Variants in YY1 observed in about 807,000 individuals in gnomAD.
YY1 encodes YY1 transcription factor.
YY1 carries 2 observed loss-of-function variants against 35.6 expected under a neutral mutation model. The observed-to-expected ratio is 0.06, with a 90% confidence interval of 0.02 to 0.18. The LOEUF is 0.18. YY1 is among the 10% of genes least tolerant of loss of function. The pLI is 1.00. For missense variants in YY1, 322 were observed against 573.4 expected (o/e 0.56, Z 4.48); for synonymous variants, 268 against 238.9 (o/e 1.12, Z -1.12).
chr14:100,241,691 T>C (rs1331842454), intron 1 of YY1, among the ~76,000 whole-genome samples: 1 of 152,208 alleles, frequency 6.6e-6, no homozygotes, highest in Non-Finnish European at 1.5e-5. Flanking sequence ...AGTCATGGTT[T>C]TGGCCGGGCG....
chr14:100,262,234 G>A (rs1891095110), intron 1 of YY1, 70 bp from the exon 2 acceptor site: 1 of 1,556,704 alleles, frequency 6.4e-7, no homozygotes, highest in South Asian at 1.1e-5. Context: ...AGAAGTTACT[G>A]GTGAAAGCAG....
chr14:100,254,951 T>TG (rs1890982617), intron 1 of YY1, among the ~76,000 whole-genome samples: 1 of 112,744 alleles, frequency 8.9e-6, no homozygotes, highest in Admixed American at 9.2e-5. Context: ...TTTTTTTTTT[T>TG]TTTTTTTTTT....
intron 1 of YY1, among the ~76,000 whole-genome samples, chr14:100,240,846 T>C (rs932061773): frequency 3.9e-5 from 6 of 152,224 alleles, no homozygotes; most frequent in African/African-American, 7.2e-5. Context: ...GTTGGGTTAG[T>C]TTACTCAACT....
At chr14:100,248,122 T>TTTC (rs1566770447) in intron 1 of YY1, among the ~76,000 whole-genome samples, 1 of 28,562 alleles carries the variant, frequency 3.5e-5, no homozygotes, top group African/African-American at 1.9e-4. Context: ...TTTTTTTTTC[T>TTTC]TTTTTTTTTT....
chr14:100,240,647 G>A (rs556327381), intron 1 of YY1, among the ~76,000 whole-genome samples: 5 of 152,338 alleles, frequency 3.3e-5, no homozygotes, highest in African/African-American at 1.2e-4. Context: ...CTGCACGTAG[G>A]GCTCGCGTGT....
At position 100,239,445 on chromosome 14, in the gene YY1, C is replaced by T. The variant is rs777217783; in HGVS notation, c.201C>T (p.His67=). 129 of 1,592,908 alleles carry T rather than the reference C, an allele frequency of 8.1e-5. No homozygotes were observed. The Middle Eastern group carries it at 1.0e-3, about 12-fold the overall frequency. ...ACGGCGGCGGGGGCGGCCACGGGCA[C>T]GCCGGCCACCACCACCACCACCATC... is the stretch of plus-strand genomic sequence containing the variant. The part of the protein sequence containing the change: ...GDHGGGGGHG[H]AGHHHHHHHH... The change falls in exon 1 of 5, where the codon CAC becomes CAT. Residue 67 remains histidine, a synonymous_variant. Coordinates refer to ENST00000262238, the MANE Select transcript of YY1 (RefSeq NM_003403.5).
intron 2 of YY1, among the ~76,000 whole-genome samples, chr14:100,267,517 A>G (rs193061629): frequency 1.4e-5 from 2 of 140,904 alleles, no homozygotes; most frequent in East Asian, 4.2e-4. Flanking sequence ...TCTCATCCAC[A>G]TTCTACATAG....
At chr14:100,251,628 G>A (rs1461556032) in intron 1 of YY1, among the ~76,000 whole-genome samples, 1 of 152,106 alleles carries the variant, frequency 6.6e-6, no homozygotes, top group Admixed American at 6.5e-5. Context: ...TAGGAGAGGG[G>A]GGAAGTGGAA....
intron 1 of YY1, among the ~76,000 whole-genome samples, chr14:100,261,675 G>T (rs901242653): frequency 1.3e-5 from 2 of 152,156 alleles, no homozygotes; most frequent in African/African-American, 2.4e-5. Flanking sequence ...AACACCTTGA[G>T]GTTAGGGTAG....
At chr14:100,267,718 T>C (rs1891175878) in intron 2 of YY1, among the ~76,000 whole-genome samples, 1 of 152,126 alleles carries the variant, frequency 6.6e-6, no homozygotes, top group South Asian at 2.1e-4. Context: ...GAGACAGGGT[T>C]TCACCATGTT....
chr14:100,240,661 G>T (rs1255633469), intron 1 of YY1, among the ~76,000 whole-genome samples: 1 of 152,238 alleles, frequency 6.6e-6, no homozygotes, highest in Non-Finnish European at 1.5e-5. Context: ...CGCGTGTGCG[G>T]GCTCCGAGCG....
Position 100,276,315 on chromosome 14 carries a change from G to C in YY1, c.904-175G>C, listed in dbSNP as rs1411305080. ...TTTGCATTGAATGATGACTTTTTCA[G>C]CTGTCTGCTTTTTGTCTTAAATGAT... is the stretch of plus-strand genomic sequence containing the variant. On this transcript the variant is annotated intron_variant, in intron 3 of 4. Transcript: ENST00000262238. This position sits in a 1 kb window ranked among gnomAD's most constrained non-coding sequence, Gnocchi z 4.1. 1 of 839,154 alleles carries C rather than the reference G, an allele frequency of 1.2e-6. No individual in the cohort carries two copies. The highest frequency in any genetic ancestry group is 1.8e-6 in the Non-Finnish European group (1 of 547,702). The allele number at this position is 839,154 out of a possible 1,614,324, so 52.0% of individuals were successfully genotyped here. A position where few individuals can be genotyped will look rare whatever the true frequency, so the allele number is the denominator to read the frequency against.
chr14:100,255,341 G>A (rs1317662182), intron 1 of YY1, among the ~76,000 whole-genome samples: 8 of 152,056 alleles, frequency 5.3e-5, no homozygotes, highest in Non-Finnish European at 1.0e-4. Context: ...TGGGAGGGCC[G>A]GGCACGGTGG....
At chr14:100,248,178 C>T (rs929391504) in intron 1 of YY1, among the ~76,000 whole-genome samples, 11 of 145,090 alleles carry the variant, frequency 7.6e-5, no homozygotes, top group Admixed American at 2.1e-4. Flanking sequence ...TGCAGTGGCG[C>T]GATCTCGGCT....
Position 100,279,429 on chromosome 14 carries a change from C to T in YY1, c.*1829C>T. On this transcript the variant is annotated 3_prime_UTR_variant, in exon 5 of 5. Transcript: ENST00000262238. ...GTGGCTCTGTGGAATTTTGAAGTGC[C>T]TTTTGTGAATCATGAATGAAACATT... is the stretch of plus-strand genomic sequence containing the variant. 1 of 152,220 alleles carries T rather than the reference C, an allele frequency of 6.6e-6. No individual in the cohort carries two copies. The highest frequency in any genetic ancestry group is 1.5e-5 in the Non-Finnish European group (1 of 68,064). 9.4% of individuals were successfully genotyped at this position (152,220 alleles called of 1,614,324 possible). A position where few individuals can be genotyped will look rare whatever the true frequency, so the allele number is the denominator to read the frequency against.
intron 1 of YY1, among the ~76,000 whole-genome samples, chr14:100,244,893 A>T (rs1447312157): frequency 6.7e-6 from 1 of 149,370 alleles, no homozygotes; most frequent in African/African-American, 2.5e-5. Context: ...ATTGTCATAC[A>T]CATGTTTAGT....
chr14:100,250,982 G>A (rs1416753710), intron 1 of YY1, among the ~76,000 whole-genome samples: 2 of 152,144 alleles, frequency 1.3e-5, no homozygotes, highest in Non-Finnish European at 2.9e-5. Context: ...GACATAATGA[G>A]ATTCTGTCTC....
chr14:100,260,975 G>A (rs1179802052), intron 1 of YY1, among the ~76,000 whole-genome samples: 5 of 148,324 alleles, frequency 3.4e-5, no homozygotes, highest in African/African-American at 1.2e-4. Context: ...TAATTTTTTT[G>A]TGGAGATGGG....
At position 100,280,211 on chromosome 14, in the gene YY1, T is replaced by C. The variant is rs1162120848; in HGVS notation, c.*2611T>C. On this transcript the variant is annotated 3_prime_UTR_variant, in exon 5 of 5. Transcript: ENST00000262238. ...CCATTCTGCTTGTGGTTAGAATTTA[T>C]AATTTTGCTAACGATGTAATTTACT... 1 of 152,260 alleles carries C rather than the reference T, an allele frequency of 6.6e-6. No homozygotes were observed. The highest frequency in any genetic ancestry group is 1.9e-4 in the East Asian group (1 of 5,200). The allele number at this position is 152,260 out of a possible 1,614,324, so 9.4% of individuals were successfully genotyped here. A position where few individuals can be genotyped will look rare whatever the true frequency, so the allele number is the denominator to read the frequency against.
Sources: allele counts gnomAD v4.1 joint callset (sites outside exome capture counted in the v4.1 genomes callset), GRCh38; gene constraint gnomAD v4.1.1; non-coding constraint Gnocchi (gnomAD v3.1); transcripts MANE v1.5; gene names NCBI Gene and HGNC (gene_info 2026-07-23, HGNC 2026-07-21).